PDSS2: variants seen among roughly 807,000 people sequenced by gnomAD.
The protein encoded by PDSS2 is all trans-polyprenyl-diphosphate synthase PDSS2.
PDSS2 carries 31 observed loss-of-function variants against 44.5 expected under a neutral mutation model. The ratio of observed to expected loss-of-function variants is 0.70; its 90% confidence interval spans 0.52 to 0.94. The LOEUF is 0.94. PDSS2 is among the 40% of genes least tolerant of loss of function. The pLI is 0.00. For missense variants in PDSS2, 452 were observed against 482.2 expected, an observed-to-expected ratio of 0.94 and a Z score of 0.59; for synonymous variants, 157 against 180.3, an observed-to-expected ratio of 0.87 and a Z score of 1.03.
chr6:107,431,690 A>G (rs1781200111), intron 1 of PDSS2, among the ~76,000 whole-genome samples: 1 of 151,740 alleles, frequency 6.6e-6, no homozygotes. Context: ...TTGGGCAAAG[A>G]AAAAAAAAGA....
intron 1 of PDSS2, among the ~76,000 whole-genome samples, chr6:107,443,126 A>G (rs1386885215): frequency 6.6e-6 from 1 of 152,240 alleles, no homozygotes; most frequent in Non-Finnish European, 1.5e-5. Context: ...GTACTTGGCC[A>G]TTAGAGAACA....
chr6:107,223,875 G>C (rs1253190252), intron 4 of PDSS2, among the ~76,000 whole-genome samples: 2 of 150,866 alleles, frequency 1.3e-5, no homozygotes, highest in African/African-American at 5.0e-5. Flanking sequence ...GCCATGGACT[G>C]GTACTAATTC....
At chr6:107,304,150 C>T (rs948078278) in intron 2 of PDSS2, among the ~76,000 whole-genome samples, 4 of 152,118 alleles carry the variant, frequency 2.6e-5, no homozygotes, top group African/African-American at 9.7e-5. Context: ...TGAGATTATA[C>T]AGTGGGTAGT....
intron 7 of PDSS2, among the ~76,000 whole-genome samples, chr6:107,193,593 G>A (rs1245030680): frequency 6.6e-6 from 1 of 152,038 alleles, no homozygotes; most frequent in Non-Finnish European, 1.5e-5. Flanking sequence ...CTAGTTGACC[G>A]TTGTATTCTC....
At chr6:107,204,693 C>A (rs1044202725) in intron 6 of PDSS2, among the ~76,000 whole-genome samples, 53 of 152,204 alleles carry the variant, frequency 3.5e-4, no homozygotes, top group Non-Finnish European at 6.5e-4. Flanking sequence ...AAACCTCTTT[C>A]TTGACTTTTC....
At chr6:107,319,017 CACACACACAT>C (rs760146901) in intron 2 of PDSS2, among the ~76,000 whole-genome samples, 3,876 of 151,092 alleles carry the variant, frequency 0.026, 78 homozygotes, top group Non-Finnish European at 0.037. Flanking sequence ...TACACACACA[CACACACACAT>C]ACACACACAC....
intron 7 of PDSS2, among the ~76,000 whole-genome samples, chr6:107,166,974 G>C (rs1172478710): frequency 6.6e-6 from 1 of 152,106 alleles, no homozygotes; most frequent in East Asian, 1.9e-4. Context: ...TTTGGTATCA[G>C]GATAATGCTG....
intron 1 of PDSS2, among the ~76,000 whole-genome samples, chr6:107,419,842 C>T (rs1167559544): frequency 6.6e-6 from 1 of 152,134 alleles, no homozygotes; most frequent in Non-Finnish European, 1.5e-5. Context: ...CAGCAAAATC[C>T]ATATATGAAA....
chr6:107,185,887 T>TC (rs1772148655), intron 7 of PDSS2, among the ~76,000 whole-genome samples: 1 of 152,214 alleles, frequency 6.6e-6, no homozygotes, highest in South Asian at 2.1e-4. Context: ...TGCAGGACAG[T>TC]CACTGGAATT....
intron 1 of PDSS2, among the ~76,000 whole-genome samples, chr6:107,458,433 C>G (rs1386626845): frequency 2.1e-5 from 1 of 48,704 alleles, no homozygotes; most frequent in Non-Finnish European, 5.5e-5. Context: ...AAAAAAAAAA[C>G]TTTTATAAAT....
intron 1 of PDSS2, among the ~76,000 whole-genome samples, chr6:107,348,048 T>C (rs1271189768): frequency 6.6e-6 from 1 of 151,934 alleles, no homozygotes; most frequent in Non-Finnish European, 1.5e-5. Flanking sequence ...AAAAAAGTAA[T>C]AGGAGATAAG....
chr6:107,448,879 G>A (rs1173806372), intron 1 of PDSS2, among the ~76,000 whole-genome samples: 2 of 152,184 alleles, frequency 1.3e-5, no homozygotes, highest in African/African-American at 2.4e-5. Flanking sequence ...GCCAGCAGGG[G>A]AAATGTGAGA....
intron 1 of PDSS2, among the ~76,000 whole-genome samples, chr6:107,426,481 A>G (rs748738352): frequency 1.7e-4 from 26 of 152,174 alleles, no homozygotes; most frequent in Non-Finnish European, 2.8e-4. Context: ...AGCCTCCACA[A>G]AAAGTCCCTA....
intron 1 of PDSS2, among the ~76,000 whole-genome samples, chr6:107,354,898 C>T (rs769274426): frequency 1.3e-5 from 2 of 152,034 alleles, no homozygotes; most frequent in African/African-American, 4.8e-5. Flanking sequence ...TTTTCATGCA[C>T]CCATCCCTAA....
rs757965416 is a variant in PDSS2 at position 107,303,128 on chromosome 6, C to T, written c.432-28901G>A. Among the ~76,000 whole-genome samples the T allele has an allele frequency of 4.6e-5, 7 of 152,102 alleles. No homozygotes were observed. The South Asian group carries it at 1.5e-3, about 32-fold the overall frequency. On this transcript the variant is annotated intron_variant, in intron 2 of 7. Transcript: ENST00000369037. ...TTGGCATATGGTGAGGACCTTTGTG[C>T]TGTGTCATTCCATCGCAGAAGAGCA...
At chr6:107,402,487 CGTATATATGTATACATATATAT>C (rs1344549009) in intron 1 of PDSS2, among the ~76,000 whole-genome samples, 1,210 of 37,578 alleles carry the variant, frequency 0.032, 43 homozygotes, top group African/African-American at 0.062. Flanking sequence ...TACATATATA[CGTATATATGTATACATATATAT>C]ACACACACAT....
At chr6:107,223,927 G>A (rs554198091) in intron 4 of PDSS2, among the ~76,000 whole-genome samples, 4 of 151,332 alleles carry the variant, frequency 2.6e-5, no homozygotes, top group South Asian at 2.1e-4. Context: ...AGAGGTGAGC[G>A]GTGGGTGAGC....
chr6:107,166,964 T>G (rs1771373995), intron 7 of PDSS2, among the ~76,000 whole-genome samples: 1 of 152,158 alleles, frequency 6.6e-6, no homozygotes, highest in African/African-American at 2.4e-5. Flanking sequence ...TCTACCAGGC[T>G]TTGGTATCAG....
intron 3 of PDSS2, among the ~76,000 whole-genome samples, chr6:107,249,161 T>A (rs939426486): frequency 2.0e-5 from 3 of 152,238 alleles, no homozygotes; most frequent in Non-Finnish European, 2.9e-5. Context: ...TGAGTATCTC[T>A]AAACAGTAAA....
Sources: gnomAD v4.1 joint callset for allele counts (sites outside exome capture counted in the v4.1 genomes callset) on GRCh38, gnomAD v4.1.1 for gene constraint, MANE v1.5 for transcripts, NCBI Gene and HGNC (gene_info 2026-07-23, HGNC 2026-07-21) for gene names.